The following PALS2 variants were observed in gnomAD, a reference collection of about 807,000 sequenced individuals.
PALS2 encodes protein associated with LIN7 2, MAGUK p55 family member.
Under a neutral mutation model 61.6 loss-of-function variants are expected in PALS2, and 27 were observed. That is an observed-to-expected ratio of 0.44 (90% confidence interval 0.32 to 0.60). The LOEUF is 0.60. Among genes scored for constraint, PALS2 ranks in the 20% least tolerant of loss-of-function variants. The pLI is 0.05. For synonymous variants in PALS2, 236 were observed against 218.6 expected, an observed-to-expected ratio of 1.08 and a Z score of -0.70; for missense variants, 554 against 639.4, an observed-to-expected ratio of 0.87 and a Z score of 1.44.
At chr7:24,651,812 G>C (rs543288460) in intron 5 of PALS2, among the ~76,000 whole-genome samples, 1 of 152,168 alleles carries the variant, frequency 6.6e-6, no homozygotes, top group Non-Finnish European at 1.5e-5. Flanking sequence ...TTGTTAAAAT[G>C]AGAGTTTAAA....
intron 6 of PALS2, among the ~76,000 whole-genome samples, chr7:24,664,478 G>T (rs1786910561): frequency 6.6e-6 from 1 of 152,110 alleles, no homozygotes; most frequent in Non-Finnish European, 1.5e-5. Context: ...AAGCAAATGA[G>T]AGTTTTACTA....
chr7:24,613,735 C>A (rs1369944662), intron 1 of PALS2, among the ~76,000 whole-genome samples: 1 of 151,732 alleles, frequency 6.6e-6, no homozygotes, highest in East Asian at 1.9e-4. Context: ...TCTCTTCCTA[C>A]CCCTTCTTTC....
chr7:24,691,405 G>GTGTGTGTGTGTATATA lies in PALS2; in HGVS notation c.*3792_*3793insGTGTGTGTGTATATAT, dbSNP rs1274329385. 4 of 110,594 alleles carry GTGTGTGTGTGTATATA rather than the reference G, an allele frequency of 3.6e-5. No homozygotes were observed. Among genetic ancestry groups the GTGTGTGTGTGTATATA allele is most frequent in the African/African-American group, 9.3e-5 (3 of 32,378 alleles). The allele number at this position is 110,594 out of a possible 1,614,324, so 6.9% of individuals were successfully genotyped here. ...ATATTATGTATGTGTGTGTGTGTGT[G>GTGTGTGTGTGTATATA]TATATATATATATATATATATATAT... On this transcript the variant is annotated 3_prime_UTR_variant, in exon 12 of 12. Transcript: ENST00000222644.
intron 5 of PALS2, among the ~76,000 whole-genome samples, chr7:24,663,249 G>T (rs1265791761): frequency 6.6e-6 from 1 of 152,120 alleles, no homozygotes; most frequent in Non-Finnish European, 1.5e-5. Flanking sequence ...ATGTTAATTG[G>T]ATCATAGCAT....
intron 6 of PALS2, among the ~76,000 whole-genome samples, chr7:24,664,269 A>C (rs1259272947): frequency 6.6e-6 from 1 of 152,122 alleles, no homozygotes; most frequent in Non-Finnish European, 1.5e-5. Context: ...AGAGATGTGT[A>C]TTATCACTGT....
chr7:24,582,415 G>GT (rs1459844404), intron 1 of PALS2, among the ~76,000 whole-genome samples: 1 of 152,094 alleles, frequency 6.6e-6, no homozygotes, highest in Non-Finnish European at 1.5e-5. Flanking sequence ...ATTCTTGAAT[G>GT]TTTCAGAACA....
At chr7:24,630,877 C>G (rs1443466217) in intron 2 of PALS2, among the ~76,000 whole-genome samples, 1 of 152,136 alleles carries the variant, frequency 6.6e-6, no homozygotes, top group Non-Finnish European at 1.5e-5. Context: ...GGATTTACTG[C>G]TCAGAAAAAA....
chr7:24,639,528 T>C (rs1428174948), intron 2 of PALS2, among the ~76,000 whole-genome samples: 1 of 152,206 alleles, frequency 6.6e-6, no homozygotes, highest in Non-Finnish European at 1.5e-5. Flanking sequence ...GCTTTCTTTT[T>C]ATACTATGTT....
chr7:24,655,728 T>G (rs973655433), intron 5 of PALS2, among the ~76,000 whole-genome samples: 3 of 150,610 alleles, frequency 2.0e-5, no homozygotes, highest in Admixed American at 6.7e-5. Context: ...CAGCGTGATC[T>G]TGGCTCACTG....
intron 1 of PALS2, among the ~76,000 whole-genome samples, chr7:24,603,917 G>C: frequency 6.6e-6 from 1 of 152,064 alleles, no homozygotes; most frequent in East Asian, 1.9e-4. Context: ...TGCTAGACAT[G>C]GCAAAGAAAA....
chr7:24,674,151 G>A (rs1787444257), intron 9 of PALS2, among the ~76,000 whole-genome samples: 1 of 152,116 alleles, frequency 6.6e-6, no homozygotes, highest in Non-Finnish European at 1.5e-5. Flanking sequence ...CAACTGTGCT[G>A]TTCCAACCCT....
Position 24,596,399 on chromosome 7 carries a change from T to C in PALS2, c.-3+22806T>C, listed in dbSNP as rs1355163159. Among the ~76,000 whole-genome samples the C allele has an allele frequency of 2.0e-5, 3 of 152,174 alleles. No individual in the cohort carries two copies. Among genetic ancestry groups the C allele is most frequent in the African/African-American group, 7.2e-5 (3 of 41,452 alleles). The stretch of plus-strand genomic sequence containing the variant: ...TTTTTGTAAGTATATATATAAAGTA[T>C]TATTTTGAAAACAGACCCTATCAAT... On this transcript the variant is annotated intron_variant, in intron 1 of 11. Transcript: ENST00000222644. The surrounding 1 kb of genome is among the most constrained non-coding windows in gnomAD (Gnocchi z 4.5).
At chr7:24,578,244 C>T (rs896692646) in intron 1 of PALS2, among the ~76,000 whole-genome samples, 1 of 152,306 alleles carries the variant, frequency 6.6e-6, no homozygotes, top group Admixed American at 6.5e-5. Flanking sequence ...AACCACCACA[C>T]CCTGCTGATC....
chr7:24,597,316 G>C (rs1041907378), intron 1 of PALS2: 4 of 152,182 alleles, frequency 2.6e-5, no homozygotes, highest in African/African-American at 9.6e-5. Flanking sequence ...GTGATAGTCT[G>C]TCCTTAAATA....
intron 6 of PALS2, among the ~76,000 whole-genome samples, chr7:24,664,334 C>T (rs1244510920): frequency 1.3e-5 from 2 of 151,962 alleles, no homozygotes; most frequent in Admixed American, 1.3e-4. Flanking sequence ...TTTTCTTCTC[C>T]TAATGCAGCT....
intron 1 of PALS2, among the ~76,000 whole-genome samples, chr7:24,611,265 T>C (rs895002681): frequency 1.3e-5 from 2 of 152,002 alleles, no homozygotes; most frequent in African/African-American, 4.8e-5. Flanking sequence ...AGTATTACCG[T>C]AAAAGCTTGC....
intron 5 of PALS2, among the ~76,000 whole-genome samples, chr7:24,662,286 A>G (rs1391365689): frequency 2.0e-5 from 3 of 152,216 alleles, no homozygotes; most frequent in African/African-American, 7.2e-5. Context: ...TAATAATATA[A>G]TATGTCTACT....
At chr7:24,578,266 G>C (rs1045095397) in intron 1 of PALS2, among the ~76,000 whole-genome samples, 1 of 152,064 alleles carries the variant, frequency 6.6e-6, no homozygotes, top group Non-Finnish European at 1.5e-5. Context: ...TGTCTCTTTT[G>C]ATTAACACTA....
intron 2 of PALS2, among the ~76,000 whole-genome samples, chr7:24,634,523 C>T (rs984660115): frequency 3.3e-5 from 5 of 152,234 alleles, no homozygotes; most frequent in African/African-American, 1.2e-4. Flanking sequence ...AGCCACCACG[C>T]CCGGCTGAAG....
Sources: allele counts gnomAD v4.1 joint callset (sites outside exome capture counted in the v4.1 genomes callset), GRCh38; gene constraint gnomAD v4.1.1; non-coding constraint Gnocchi (gnomAD v3.1); transcripts MANE v1.5; gene names NCBI Gene and HGNC (gene_info 2026-07-23, HGNC 2026-07-21).